The following STARD13 variants were observed in gnomAD, a reference collection of about 807,000 sequenced individuals.
The protein encoded by STARD13 is stAR-related lipid transfer protein 13.
Under a neutral mutation model 106.4 loss-of-function variants are expected in STARD13, and 62 were observed. The observed-to-expected ratio is 0.58, with a 90% CI of 0.48 to 0.72. STARD13 has a LOEUF of 0.72. Among genes scored for constraint, STARD13 ranks in the 30% least tolerant of loss-of-function variants. STARD13 has a pLI of 0.00. For missense variants in STARD13, 1,387 were observed against 1,424.0 expected (o/e 0.97, Z 0.42); for synonymous variants, 565 against 553.0 (o/e 1.02, Z -0.31).
intron 3 of STARD13, among the ~76,000 whole-genome samples, chr13:33,152,114 C>A (rs989642735): frequency 6.6e-6 from 1 of 152,192 alleles, no homozygotes; most frequent in Non-Finnish European, 1.5e-5. Flanking sequence ...ATGATATACA[C>A]AGAAGATACA....
At chr13:33,247,440 G>A (rs1419807396) in intron 1 of STARD13, among the ~76,000 whole-genome samples, 1 of 151,774 alleles carries the variant, frequency 6.6e-6, no homozygotes, top group Non-Finnish European at 1.5e-5. Context: ...TGAGGTCTCT[G>A]CAATGCCGTC....
chr13:33,550,488 A>G, the STARD13 span, among the ~76,000 whole-genome samples: 4 of 152,226 alleles, frequency 2.6e-5, no homozygotes, highest in African/African-American at 9.6e-5. Context: ...GTGATGTTTC[A>G]TCAGCATTAC....
At chr13:33,610,688 G>C in the STARD13 span, among the ~76,000 whole-genome samples, 2 of 152,248 alleles carry the variant, frequency 1.3e-5, no homozygotes, top group Non-Finnish European at 2.9e-5. Flanking sequence ...GCACTCACTG[G>C]GGCTGGTGGC....
At chr13:33,258,070 C>T (rs1890455822) in intron 1 of STARD13, among the ~76,000 whole-genome samples, 2 of 152,206 alleles carry the variant, frequency 1.3e-5, no homozygotes. Flanking sequence ...GGCTCTGATG[C>T]ATTTTAAATG....
chr13:33,185,925 C>T (rs753631083), intron 1 of STARD13: 2 of 1,614,134 alleles, frequency 1.2e-6, no homozygotes, highest in African/African-American at 2.7e-5. Context: ...TTTCCCACCA[C>T]AGACAGTGTC....
chr13:33,191,560 C>T (rs141054488), intron 1 of STARD13, among the ~76,000 whole-genome samples: 379 of 152,288 alleles, frequency 2.5e-3, no homozygotes, highest in African/African-American at 8.6e-3. Flanking sequence ...TAGACAAAAG[C>T]CACACCCAGG....
the STARD13 span, among the ~76,000 whole-genome samples, chr13:33,515,096 G>C: frequency 8.2e-3 from 1,246 of 152,272 alleles, 20 homozygotes; most frequent in African/African-American, 0.027. Flanking sequence ...AATATCAGCT[G>C]TGTGACCTTG....
intron 1 of STARD13, among the ~76,000 whole-genome samples, chr13:33,252,718 T>C (rs979519393): frequency 6.6e-6 from 1 of 152,248 alleles, no homozygotes; most frequent in African/African-American, 2.4e-5. Context: ...TGCTTAGATA[T>C]TTTTCTAACT....
At chr13:33,348,867 A>T (rs2078042640) in exon 2 of STARD13, 1 of 406,096 alleles carries the variant, frequency 2.5e-6, no homozygotes. Context: ...TTGGAGAGAA[A>T]ATGTGGAATG....
In STARD13 at chr13:33,127,428, G is replaced by A. The variant is rs374603701; in HGVS notation, c.1867C>T (p.Arg623Cys). Residue 623 changes from arginine to cysteine, a missense_variant, in exon 6 of 14, where the codon CGC (arginine) becomes TGC (cysteine). Physicochemically the swap from Arg to Cys is radical, Grantham distance 180. Transcript: ENST00000336934. ...LSLLQRFSLL[R>C]LTAIMEKHSM... The stretch of plus-strand genomic sequence containing the variant: ...TGCTTCTCCATGATGGCCGTGAGGC[G>A]GAGCAGTGAGAAGCGCTGGAGCAGG... The A allele has an allele frequency of 2.3e-5, 37 of 1,604,834 alleles. No homozygotes were observed. The highest frequency in any genetic ancestry group is 1.9e-4 in the Middle Eastern group (1 of 5,398).
chr13:33,492,076 A>G, the STARD13 span, among the ~76,000 whole-genome samples: 1 of 152,120 alleles, frequency 6.6e-6, no homozygotes, highest in East Asian at 1.9e-4. Flanking sequence ...GGTGCTCAGT[A>G]AGGGAGCTTT....
chr13:33,506,535 A>G, the STARD13 span, among the ~76,000 whole-genome samples: 2 of 152,100 alleles, frequency 1.3e-5, no homozygotes, highest in Admixed American at 6.6e-5. Context: ...GTTGATCCAA[A>G]TGGATGTGAT....
At chr13:33,420,486 C>T in the STARD13 span, among the ~76,000 whole-genome samples, 1 of 152,198 alleles carries the variant, frequency 6.6e-6, no homozygotes, top group African/African-American at 2.4e-5. Flanking sequence ...GAGACTTAGA[C>T]TCCCACACAA....
chr13:33,573,167 G>A, the STARD13 span, among the ~76,000 whole-genome samples: 3 of 152,056 alleles, frequency 2.0e-5, no homozygotes, highest in Admixed American at 6.6e-5. Flanking sequence ...AGACAACTAC[G>A]GAGATGTCTA....
At chr13:33,300,970 C>G (rs930739224) in intron 1 of STARD13, among the ~76,000 whole-genome samples, 6 of 152,142 alleles carry the variant, frequency 3.9e-5, no homozygotes, top group Non-Finnish European at 5.9e-5. Context: ...GAACACTGCT[C>G]AACGCTCATT....
intron 1 of STARD13, among the ~76,000 whole-genome samples, chr13:33,327,607 G>A (rs2077790864): frequency 6.6e-6 from 1 of 152,194 alleles, no homozygotes; most frequent in South Asian, 2.1e-4. Flanking sequence ...CTGGCCTCAA[G>A]GGATCCTCTG....
the STARD13 span, among the ~76,000 whole-genome samples, chr13:33,413,292 T>G: frequency 6.6e-6 from 1 of 152,036 alleles, no homozygotes; most frequent in Non-Finnish European, 1.5e-5. Context: ...TAACACTAAA[T>G]GCATACATTA....
the STARD13 span, among the ~76,000 whole-genome samples, chr13:33,581,212 T>C: frequency 6.6e-6 from 1 of 152,152 alleles, no homozygotes. Context: ...AGAACTCTGG[T>C]CCTAAAATAT....
Position 33,233,451 on chromosome 13 carries a change from C to T in STARD13, c.169+52019G>A, listed in dbSNP as rs1474954111. The stretch of plus-strand genomic sequence containing the variant: ...GCCTGACTGCAGGGAGAGGGACAAC[C>T]TGACTTCAGGGAAGACGACCTGCCC... On this transcript the variant is annotated intron_variant, in intron 1 of 13. Transcript: ENST00000336934. Among the ~76,000 whole-genome samples the T allele has an allele frequency of 3.3e-5, 5 of 152,344 alleles. No homozygotes were observed. The South Asian group carries it at 6.2e-4, about 19-fold the overall frequency.
Sources: allele counts gnomAD v4.1 joint callset (sites outside exome capture counted in the v4.1 genomes callset), GRCh38; gene constraint gnomAD v4.1.1; transcripts MANE v1.5; gene names NCBI Gene and HGNC (gene_info 2026-07-23, HGNC 2026-07-21).